OR2L13: variants seen among roughly 807,000 people sequenced by gnomAD.
The protein encoded by OR2L13 is olfactory receptor 2L13.
In OR2L13, 14 loss-of-function variants were observed where a neutral mutation model predicts 15.3. The observed-to-expected ratio is 0.91, with a 90% CI of 0.60 to 1.43. The LOEUF is 1.43. Ranked by LOEUF, OR2L13 falls within the 40% of genes most tolerant of loss-of-function variation. OR2L13 has a pLI of 0.00. For missense variants in OR2L13, 367 were observed against 387.9 expected, an observed-to-expected ratio of 0.95 and a Z score of 0.45; for synonymous variants, 152 against 142.9, an observed-to-expected ratio of 1.06 and a Z score of -0.45.
At chr1:248,077,282 G>A in the OR2L13 span, among the ~76,000 whole-genome samples, 1 of 152,200 alleles carries the variant, frequency 6.6e-6, no homozygotes, top group East Asian at 1.9e-4. Flanking sequence ...ATGTTCATCA[G>A]GGATATTGGT....
chr1:247,945,864 C>T, the OR2L13 span, among the ~76,000 whole-genome samples: 1 of 152,154 alleles, frequency 6.6e-6, no homozygotes, highest in Non-Finnish European at 1.5e-5. Context: ...TTTCCTCTAT[C>T]CCTTTATTTT....
chr1:248,066,656 C>A, the OR2L13 span, among the ~76,000 whole-genome samples: 1 of 152,176 alleles, frequency 6.6e-6, no homozygotes, highest in East Asian at 1.9e-4. Flanking sequence ...ATTTTATCTG[C>A]TAAATATTTT....
the OR2L13 span, among the ~76,000 whole-genome samples, chr1:247,998,333 G>C: frequency 6.6e-6 from 1 of 152,036 alleles, no homozygotes; most frequent in African/African-American, 2.4e-5. Flanking sequence ...AAGAGATAGG[G>C]ATAAATTAGA....
the OR2L13 span, chr1:247,975,772 G>GA: frequency 2.6e-6 from 1 of 387,510 alleles, no homozygotes; most frequent in Admixed American, 4.1e-5. Context: ...AATTACTCTA[G>GA]AAAATTTTTT....
At chr1:247,954,560 T>C in the OR2L13 span, among the ~76,000 whole-genome samples, 13 of 152,090 alleles carry the variant, frequency 8.5e-5, no homozygotes, top group African/African-American at 3.1e-4. Flanking sequence ...AAACTGACAT[T>C]AAAAATCTGA....
upstream of OR2L13, chr1:248,095,034 T>C (rs986109208): frequency 3.3e-5 from 5 of 152,228 alleles, no homozygotes; most frequent in African/African-American, 1.2e-4. Context: ...GTTCAGAATT[T>C]GAGTTCATCC....
the OR2L13 span, chr1:247,991,046 G>T: frequency 6.4e-7 from 1 of 1,559,892 alleles, no homozygotes; most frequent in Non-Finnish European, 8.8e-7. Flanking sequence ...ACCTATCTAC[G>T]CCCAAGATCC....
At chr1:247,948,581 AAGAT>A in the OR2L13 span, among the ~76,000 whole-genome samples, 192 of 152,324 alleles carry the variant, frequency 1.3e-3, 6 homozygotes, top group East Asian at 0.032. Context: ...GATTTTGAGA[AAGAT>A]AGAGATCATA....
the OR2L13 span, chr1:248,042,414 G>A: frequency 6.6e-6 from 1 of 151,444 alleles, no homozygotes; most frequent in African/African-American, 2.4e-5. Context: ...TAGATGACGA[G>A]TTAGTGGGTG....
chr1:247,950,258 ACT>A, the OR2L13 span, among the ~76,000 whole-genome samples: 2 of 151,994 alleles, frequency 1.3e-5, no homozygotes, highest in African/African-American at 2.4e-5. Flanking sequence ...CGTACCAGTT[ACT>A]CTTTCTTTCA....
the OR2L13 span, chr1:247,974,915 T>G: frequency 0.88 from 232,347 of 263,364 alleles, 104,722 homozygotes; most frequent in South Asian, 0.98. Context: ...ACACGCCCAT[T>G]TATTTCTTAC....
chr1:247,960,533 C>G, the OR2L13 span, among the ~76,000 whole-genome samples: 12 of 152,280 alleles, frequency 7.9e-5, no homozygotes, highest in South Asian at 6.2e-4. Context: ...GCCCTGCCCC[C>G]AGAGGTGGAG....
chr1:247,947,000 T>C, the OR2L13 span, among the ~76,000 whole-genome samples: 2 of 152,196 alleles, frequency 1.3e-5, no homozygotes, highest in South Asian at 2.1e-4. Flanking sequence ...CCTGTATGAA[T>C]CCCCTCATTT....
chr1:248,098,539 A>G (rs1664782213), intron 1 of OR2L13, 112 bp from the exon 2 acceptor site: 1 of 152,192 alleles, frequency 6.6e-6, no homozygotes, highest in Non-Finnish European at 1.5e-5. Flanking sequence ...TTCCTGTGGC[A>G]GGCTCTCTTT....
the OR2L13 span, chr1:248,083,605 C>T: frequency 4.4e-3 from 5,675 of 1,290,110 alleles, 23 homozygotes; most frequent in South Asian, 6.3e-3. Flanking sequence ...TTGATAAATT[C>T]AGGAACTTAG....
chr1:248,015,627 T>G, the OR2L13 span, among the ~76,000 whole-genome samples: 1 of 152,150 alleles, frequency 6.6e-6, no homozygotes, highest in Non-Finnish European at 1.5e-5. Flanking sequence ...GATATTTCAG[T>G]TATCCCTTCA....
the OR2L13 span, among the ~76,000 whole-genome samples, chr1:248,005,734 C>G: frequency 1.3e-5 from 2 of 152,046 alleles, no homozygotes; most frequent in Non-Finnish European, 2.9e-5. Flanking sequence ...ACAAATCATT[C>G]TAGTGTTCTC....
the OR2L13 span, among the ~76,000 whole-genome samples, chr1:248,046,118 T>C: frequency 6.6e-6 from 1 of 152,132 alleles, no homozygotes. Context: ...AAAAATTCAA[T>C]TCAATTAATA....
chr1:248,018,256 G>A, the OR2L13 span, among the ~76,000 whole-genome samples: 1 of 151,912 alleles, frequency 6.6e-6, no homozygotes, highest in African/African-American at 2.4e-5. Flanking sequence ...CTATTATTCT[G>A]TCCTATGTTA....
Sources: allele counts gnomAD v4.1 joint callset (sites outside exome capture counted in the v4.1 genomes callset), GRCh38; gene constraint gnomAD v4.1.1; transcripts MANE v1.5; gene names NCBI Gene and HGNC (gene_info 2026-07-23, HGNC 2026-07-21).